Variants in EIF4G2 observed in about 807,000 individuals in gnomAD.
EIF4G2 encodes DAP-5.
A neutral mutation model predicts 117.7 loss-of-function variants in EIF4G2; 8 were observed. The observed-to-expected ratio is 0.07, with a 90% CI of 0.04 to 0.12. The LOEUF is 0.12. EIF4G2 is among the 10% of genes least tolerant of loss of function. The probability of loss-of-function intolerance (pLI) is 1.00; values close to 1 mark genes in which losing one functional copy is unlikely to be tolerated. For missense variants in EIF4G2, 812 were observed against 1,086.2 expected (o/e 0.75, Z 3.55); for synonymous variants, 413 against 367.8 (o/e 1.12, Z -1.41).
At chr11:10,808,301 G>A in intron 1 of EIF4G2, 10 of 1,215,332 alleles carry the variant, frequency 8.2e-6, no homozygotes, top group Non-Finnish European at 9.4e-6. Flanking sequence ...GCCAGGCTCC[G>A]GGACGCCTGC....
In EIF4G2 at chr11:10,804,274, AACT is replaced by A; in HGVS notation, c.483+10_483+12del. 1 of 1,613,222 alleles carries A rather than the reference AACT, an allele frequency of 6.2e-7. No individual in the cohort carries two copies. The highest frequency in any genetic ancestry group is 8.5e-7 in the Non-Finnish European group (1 of 1,179,410). ...GTCAACTTTAAAACAAGCAAACAAAAACTACCACTTACGGTGCTTTGCTTCTGT... is the reference window on the plus strand; with the variant it reads ...GTCAACTTTAAAACAAGCAAACAAAAACCACTTACGGTGCTTTGCTTCTGT... On this transcript the variant is annotated intron_variant, in intron 6 of 21. Transcript: ENST00000339995.
In EIF4G2 at chr11:10,800,998, T is replaced by A; in HGVS notation, c.1503A>T (p.Ala501=). ...GTGGTGTTTGAGTGCGTGGTGGTTG[T>A]GCACTAGGAGGAATCATAGTTATCT... The change falls in exon 15 of 22, where the codon GCA becomes GCT. Residue 501 remains alanine (A), a synonymous_variant. Transcript: ENST00000339995. The A allele has an allele frequency of 6.2e-7, 1 of 1,614,218 alleles. No individual in the cohort carries two copies. The highest frequency in any genetic ancestry group is 8.5e-7 in the Non-Finnish European group (1 of 1,180,022).
Position 10,803,384 on chromosome 11 carries a change from A to G in EIF4G2, c.814-90T>C. On this transcript the variant is annotated intron_variant, in intron 9 of 21. Coordinates refer to ENST00000339995, the MANE Select transcript of EIF4G2 (RefSeq NM_001418.4). The surrounding 1 kb of genome is among the most constrained non-coding windows in gnomAD (Gnocchi z 4.0). ...GACTTCTAAAATTATAACCCAGTTA[A>G]TGGCTAAATATGGCAATCCCTTATG... 2 of 1,547,406 alleles carry G rather than the reference A, an allele frequency of 1.3e-6. No individual in the cohort carries two copies. Among genetic ancestry groups the G allele is most frequent in the East Asian group, 2.2e-5 (1 of 44,466 alleles).
Position 10,799,126 on chromosome 11 carries a change from A to AG in EIF4G2, c.2537-14_2537-13insC, listed in dbSNP as rs774545854. The AG allele has an allele frequency of 3.8e-6, 6 of 1,576,872 alleles. No homozygotes were observed. Among genetic ancestry groups the AG allele is most frequent in the Middle Eastern group, 1.7e-4 (1 of 5,854 alleles). ...CGAAGTAACATGCCTTAAAAAAAAA[A>AG]AAAAAAAGAAAAAAGTAATAAGCCC... On this transcript the variant is annotated splice_polypyrimidine_tract_variant and intron_variant, in intron 20 of 21. Coordinates refer to ENST00000339995, the MANE Select transcript of EIF4G2 (RefSeq NM_001418.4).
chr11:10,808,220 A>C, intron 1 of EIF4G2: 2 of 1,133,828 alleles, frequency 1.8e-6, no homozygotes, highest in Non-Finnish European at 2.2e-6. Context: ...AGAAATCATC[A>C]CTCTCTCTTT....
chr11:10,799,123 A>C lies in EIF4G2; in HGVS notation c.2537-10T>G, dbSNP rs1366655228. ...AAGCGAAGTAACATGCCTTAAAAAA[A>C]AAAAAAAAAAGAAAAAAGTAATAAG... On this transcript the variant is annotated splice_polypyrimidine_tract_variant and intron_variant, in intron 20 of 21. Transcript: ENST00000339995. 3 of 1,576,562 alleles carry C rather than the reference A, an allele frequency of 1.9e-6. No homozygotes were observed. The Admixed American group carries it at 6.2e-5, about 33-fold the overall frequency.
In EIF4G2 at chr11:10,800,470, T is replaced by G. The variant is rs1307527420; in HGVS notation, c.1822A>C (p.Lys608Gln). The stretch of plus-strand genomic sequence containing the variant: ...TCACTTGTGGCTATCCCTTCCTGTT[T>G]GAGTAAACTGATCAAAGAACTTGCT... The change falls in exon 17 of 22, where the codon AAA becomes CAA. Residue 608 changes from lysine to glutamine, a missense_variant. Lys to Gln is a moderately conservative substitution (Grantham distance 53). Transcript: ENST00000339995. 6.2e-7 allele frequency: 1 copy of G among 1,614,216 alleles called. No homozygotes were observed. The highest frequency in any genetic ancestry group is 8.5e-7 in the Non-Finnish European group (1 of 1,180,020).
Position 10,800,763 on chromosome 11 carries a change from G to C in EIF4G2, c.1612C>G (p.Pro538Ala), listed in dbSNP as rs745669521. 1 of 1,614,220 alleles carries C rather than the reference G, an allele frequency of 6.2e-7. No homozygotes were observed. Among genetic ancestry groups the C allele is most frequent in the East Asian group, 2.2e-5 (1 of 44,892 alleles). Residue 538 changes from proline to alanine, a missense_variant, in exon 16 of 22, where the codon CCA (proline) becomes GCA (alanine). By Grantham distance (27) the Pro-to-Ala change is conservative. This residue lies in a region of EIF4G2 where 571 missense variants were observed against 642.3 expected (regional missense o/e 0.89). Coordinates refer to ENST00000339995, the MANE Select transcript of EIF4G2 (RefSeq NM_001418.4). ...TTAAGGAGTTCTTCCTTTGACGGTG[G>C]TGGCTTTTTGCTGGTCTTGGCAGGC...
Position 10,803,010 on chromosome 11 carries a change from A to G in EIF4G2, c.996+20T>C. 1 of 1,602,958 alleles carries G rather than the reference A, an allele frequency of 6.2e-7. No individual in the cohort carries two copies. Among genetic ancestry groups the G allele is most frequent in the Non-Finnish European group, 8.5e-7 (1 of 1,174,330 alleles). Reference sequence around the variant, plus strand: ...CACACACAGAGTCTATGTGACAAACAAAACAAAACCCAATCTTACTTTTAC... The same window carrying G: ...CACACACAGAGTCTATGTGACAAACGAAACAAAACCCAATCTTACTTTTAC... On this transcript the variant is annotated intron_variant, in intron 11 of 21. Coordinates refer to ENST00000339995, the MANE Select transcript of EIF4G2 (RefSeq NM_001418.4). This position sits in a 1 kb window ranked among gnomAD's most constrained non-coding sequence, Gnocchi z 4.0.
chr11:10,806,903 A>G lies in EIF4G2; in HGVS notation c.42-18T>C, dbSNP rs752008377. ...AAGAAGCACTATTTAAAAGAAAAAA[A>G]TTGTTTACTGTATCCCAACTATGTC... On this transcript the variant is annotated intron_variant, in intron 2 of 21. Coordinates refer to ENST00000339995, the MANE Select transcript of EIF4G2 (RefSeq NM_001418.4). 3 of 1,612,598 alleles carry G rather than the reference A, an allele frequency of 1.9e-6. No homozygotes were observed. Among genetic ancestry groups the G allele is most frequent in the Non-Finnish European group, 2.5e-6 (3 of 1,179,742 alleles).
Position 10,800,469 on chromosome 11 carries a change from T to C in EIF4G2, c.1823A>G (p.Lys608Arg), listed in dbSNP as rs776666130. Residue 608 changes from lysine to arginine, a missense_variant, in exon 17 of 22, where the codon AAA becomes AGA. Physicochemically the swap from Lys to Arg is conservative, Grantham distance 26. Transcript: ENST00000339995. ...GTCACTTGTGGCTATCCCTTCCTGT[T>C]TGAGTAAACTGATCAAAGAACTTGC... 15 of 1,614,096 alleles carry C rather than the reference T, an allele frequency of 9.3e-6. No homozygotes were observed. The African/African-American group carries it at 9.3e-5, about 10-fold the overall frequency.
chr11:10,800,280 T>C lies in EIF4G2; in HGVS notation c.1929A>G (p.Leu643=). The change falls in exon 18 of 22, where the codon TTA becomes TTG. Residue 643 remains leucine, a synonymous_variant. Coordinates refer to ENST00000339995, the MANE Select transcript of EIF4G2 (RefSeq NM_001418.4). ...TGATGGCACGAGCTGCAAACTGTGC[T>C]AAATAGGATTTCACCAAAGGGATGT... The C allele has an allele frequency of 6.2e-7, 1 of 1,614,212 alleles. No homozygotes were observed.
rs1847442843 is a variant in EIF4G2, at chr11:10,802,227, G to A, written c.1139-18C>T. On this transcript the variant is annotated intron_variant, in intron 12 of 21. Transcript: ENST00000339995. Reference sequence around the variant, plus strand: ...TCCGCTACCTTAAAATACATATACGGACAACTCTCAAAACTAAAGTTAACT... The same window carrying A: ...TCCGCTACCTTAAAATACATATACGAACAACTCTCAAAACTAAAGTTAACT... The A allele has an allele frequency of 6.2e-7, 1 of 1,612,282 alleles. No individual in the cohort carries two copies. Among genetic ancestry groups the A allele is most frequent in the African/African-American group, 1.3e-5 (1 of 74,820 alleles).
In EIF4G2 at chr11:10,803,326, G is replaced by C. The variant is rs1395383445; in HGVS notation, c.814-32C>G. The C allele has an allele frequency of 3.1e-6, 5 of 1,605,702 alleles. No individual in the cohort carries two copies. The highest frequency in any genetic ancestry group is 4.3e-6 in the Non-Finnish European group (5 of 1,175,458). On this transcript the variant is annotated intron_variant, in intron 9 of 21. Coordinates refer to ENST00000339995, the MANE Select transcript of EIF4G2 (RefSeq NM_001418.4). This position sits in a 1 kb window ranked among gnomAD's most constrained non-coding sequence, Gnocchi z 4.0. The stretch of plus-strand genomic sequence containing the variant: ...AGAGAAGAATACATTCATTGGAAGA[G>C]CTAAAGCAAATGTGTTCAATTTACA...
chr11:10,808,436 G>A (rs1432275527), intron 1 of EIF4G2: 4 of 1,260,992 alleles, frequency 3.2e-6, no homozygotes, highest in Admixed American at 2.5e-5. Flanking sequence ...GGTCCGCCAC[G>A]GCCTCGTCCC....
chr11:10,806,978 G>A (rs1488307723), intron 2 of EIF4G2, 93 bp from the exon 3 acceptor site: 9 of 1,448,040 alleles, frequency 6.2e-6, no homozygotes, highest in African/African-American at 1.4e-5. Context: ...TGCTTGTAGA[G>A]ATGGGGGTCT....
chr11:10,806,517 G>A, intron 3 of EIF4G2: 1 of 372,034 alleles, frequency 2.7e-6, no homozygotes, highest in African/African-American at 2.0e-5. Context: ...TGACCATGTT[G>A]AGTGCGTACT....
chr11:10,801,639 TAAGTAAC>T lies in EIF4G2; in HGVS notation c.1413+15_1413+21del, dbSNP rs769499738. On this transcript the variant is annotated intron_variant, in intron 14 of 21. Transcript: ENST00000339995. Reference sequence around the variant, plus strand: ...TTCTGAATGGACAAACTATGGTATATAAGTAACATAGGCAAATGTACCTCATCTGCAT... The same window carrying T: ...TTCTGAATGGACAAACTATGGTATATATAGGCAAATGTACCTCATCTGCAT... The T allele has an allele frequency of 3.6e-5, 58 of 1,599,848 alleles. No homozygotes were observed. The highest frequency in any genetic ancestry group is 5.0e-5 in the Non-Finnish European group (58 of 1,167,206).
intron 1 of EIF4G2, 173 bp downstream of exon 1, chr11:10,808,532 G>A (rs546096858): frequency 9.7e-5 from 115 of 1,183,948 alleles, no homozygotes; most frequent in Non-Finnish European, 1.2e-4. Flanking sequence ...AACAGGAAGA[G>A]AGAACAAAAG....
Sources: allele counts gnomAD v4.1 joint callset, GRCh38; gene constraint gnomAD v4.1.1; regional missense constraint gnomAD v4.1.1; non-coding constraint Gnocchi (gnomAD v3.1); transcripts MANE v1.5; gene names NCBI Gene and HGNC (gene_info 2026-07-23, HGNC 2026-07-21).